ANTXR1: variants seen among roughly 807,000 people sequenced by gnomAD.
ANTXR1 encodes the protein ANTXR cell adhesion molecule 1, also known as anthrax toxin receptor 1.
A neutral mutation model predicts 78.1 loss-of-function variants in ANTXR1; 19 were observed. The ratio of observed to expected loss-of-function variants is 0.24; its 90% CI spans 0.17 to 0.36. ANTXR1 has a LOEUF of 0.36. Ranked by LOEUF, ANTXR1 falls within the 10% of genes least tolerant of loss-of-function variation. ANTXR1 has a pLI of 1.00. For missense variants in ANTXR1, 518 were observed against 718.6 expected (o/e 0.72, Z 3.19); for synonymous variants, 273 against 260.5 (o/e 1.05, Z -0.46).
intron 8 of ANTXR1, among the ~76,000 whole-genome samples, chr2:69,088,744 A>T (rs960509189): frequency 1.2e-4 from 18 of 152,304 alleles, no homozygotes; most frequent in African/African-American, 4.1e-4. Context: ...TGCGCAAGAG[A>T]CCGAAAAGAC....
chr2:69,044,021 T>A (rs568407360), intron 2 of ANTXR1, among the ~76,000 whole-genome samples: 2 of 152,234 alleles, frequency 1.3e-5, no homozygotes, highest in Non-Finnish European at 2.9e-5. Context: ...TGCAGTCTGA[T>A]GGTCCATCTT....
At chr2:69,202,252 G>T (rs1674791452) in intron 17 of ANTXR1, among the ~76,000 whole-genome samples, 1 of 152,214 alleles carries the variant, frequency 6.6e-6, no homozygotes, top group African/African-American at 2.4e-5. Flanking sequence ...GTTGTAAGAG[G>T]AAAGTCTGGG....
At chr2:69,117,258 G>T (rs1044185340) in intron 10 of ANTXR1, among the ~76,000 whole-genome samples, 1 of 152,170 alleles carries the variant, frequency 6.6e-6, no homozygotes, top group African/African-American at 2.4e-5. Context: ...GACTAGCTGG[G>T]CTTACACTGG....
chr2:69,143,930 G>C (rs34620359), intron 12 of ANTXR1, among the ~76,000 whole-genome samples: 21 of 152,186 alleles, frequency 1.4e-4, no homozygotes, highest in African/African-American at 4.8e-4. Flanking sequence ...GGATGAGTTA[G>C]ATCATCCCTA....
chr2:69,077,133 C>G, intron 7 of ANTXR1: 1 of 523,680 alleles, frequency 1.9e-6, no homozygotes, highest in South Asian at 2.2e-5. Flanking sequence ...GCCAAGCGTT[C>G]ATCAAGCTGG....
chr2:69,061,403 G>T (rs1012613624), intron 3 of ANTXR1, among the ~76,000 whole-genome samples: 2 of 150,892 alleles, frequency 1.3e-5, no homozygotes, highest in African/African-American at 2.4e-5. Flanking sequence ...TAAGAAAAGA[G>T]TTTGAAAACT....
chr2:69,155,619 A>G (rs1673498768), intron 13 of ANTXR1, among the ~76,000 whole-genome samples: 1 of 152,198 alleles, frequency 6.6e-6, no homozygotes, highest in East Asian at 1.9e-4. Context: ...AAAAGTTGCA[A>G]TGTATTAGAC....
intron 3 of ANTXR1, among the ~76,000 whole-genome samples, chr2:69,045,497 G>C (rs76533519): frequency 6.6e-6 from 1 of 152,144 alleles, no homozygotes; most frequent in Non-Finnish European, 1.5e-5. Context: ...TTTTTAAATA[G>C]TGAGATGGCC....
chr2:69,140,939 A>G (rs79731825), intron 12 of ANTXR1, among the ~76,000 whole-genome samples: 2 of 152,322 alleles, frequency 1.3e-5, no homozygotes, highest in African/African-American at 4.8e-5. Context: ...TCTAGCCCAA[A>G]TTACCTCTCA....
intron 1 of ANTXR1, among the ~76,000 whole-genome samples, chr2:69,037,667 G>A (rs543690381): frequency 2.0e-5 from 3 of 151,808 alleles, no homozygotes; most frequent in African/African-American, 7.2e-5. Context: ...ACGGGGTTTC[G>A]CCATGTTAGC....
At chr2:69,101,936 T>C (rs745318151) in intron 9 of ANTXR1, among the ~76,000 whole-genome samples, 1 of 152,244 alleles carries the variant, frequency 6.6e-6, no homozygotes, top group East Asian at 1.9e-4. Context: ...GTTTTTTCCA[T>C]GGTAGGAGTA....
chr2:69,117,912 G>A (rs1672203672), intron 10 of ANTXR1, among the ~76,000 whole-genome samples: 1 of 152,164 alleles, frequency 6.6e-6, no homozygotes, highest in Non-Finnish European at 1.5e-5. Flanking sequence ...CTTGAGGGAT[G>A]CCTAGCTCCC....
At chr2:69,160,836 A>G (rs1425178114) in intron 13 of ANTXR1, among the ~76,000 whole-genome samples, 2 of 152,172 alleles carry the variant, frequency 1.3e-5, no homozygotes, top group Non-Finnish European at 2.9e-5. Context: ...CCAAACACTT[A>G]TTAACATACT....
At chr2:69,204,321 C>T (rs1414901862) in intron 17 of ANTXR1, among the ~76,000 whole-genome samples, 1 of 152,102 alleles carries the variant, frequency 6.6e-6, no homozygotes, top group East Asian at 1.9e-4. Flanking sequence ...TGCTATAAAA[C>T]ATCCACACAC....
intron 13 of ANTXR1, among the ~76,000 whole-genome samples, chr2:69,155,368 T>C (rs1483699292): frequency 2.6e-5 from 4 of 152,186 alleles, no homozygotes; most frequent in Non-Finnish European, 5.9e-5. Context: ...TATTGGACTA[T>C]GCACACTGGG....
chr2:69,077,745 C>T (rs72897330), intron 8 of ANTXR1, among the ~76,000 whole-genome samples: 3,066 of 152,288 alleles, frequency 0.02, 100 homozygotes, highest in African/African-American at 0.068. Context: ...CTTCAGGAGG[C>T]CCTCTCCGTT....
At chr2:69,080,841 G>A (rs75358828) in intron 8 of ANTXR1, among the ~76,000 whole-genome samples, 30 of 152,236 alleles carry the variant, frequency 2.0e-4, no homozygotes, top group East Asian at 1.3e-3. Context: ...GGCAGAGCAC[G>A]GCCCAGTACA....
At chr2:69,052,799 T>C (rs1669962782) in intron 3 of ANTXR1, among the ~76,000 whole-genome samples, 1 of 152,166 alleles carries the variant, frequency 6.6e-6, no homozygotes, top group South Asian at 2.1e-4. Context: ...TTTTTTGACA[T>C]CTGAGAGAAT....
intron 17 of ANTXR1, among the ~76,000 whole-genome samples, chr2:69,240,833 AATACTGATAC>A (rs1204817536): frequency 6.6e-6 from 1 of 152,134 alleles, no homozygotes; most frequent in Non-Finnish European, 1.5e-5. Flanking sequence ...GTACAATGAA[AATACTGATAC>A]ATAACTGACA....
Sources: gnomAD v4.1 joint callset for allele counts (sites outside exome capture counted in the v4.1 genomes callset) on GRCh38, gnomAD v4.1.1 for gene constraint, MANE v1.5 for transcripts, NCBI Gene and HGNC (gene_info 2026-07-23, HGNC 2026-07-21) for gene names.